Variants in GPHN observed in about 807,000 individuals in gnomAD.
The protein encoded by GPHN is gephyrin.
In GPHN, 17 loss-of-function variants were observed where a neutral mutation model predicts 95.5. The ratio of observed to expected loss-of-function variants is 0.18; its 90% CI spans 0.12 to 0.27. GPHN has a LOEUF of 0.27. Among genes scored for constraint, GPHN ranks in the 10% least tolerant of loss-of-function variants. The pLI is 1.00. For synonymous variants in GPHN, 320 were observed against 322.5 expected, an observed-to-expected ratio of 0.99 and a Z score of 0.08; for missense variants, 660 against 978.1, an observed-to-expected ratio of 0.67 and a Z score of 4.34.
At chr14:67,255,369 T>C in the GPHN span, among the ~76,000 whole-genome samples, 5 of 152,212 alleles carry the variant, frequency 3.3e-5, no homozygotes, top group African/African-American at 9.6e-5. Context: ...ATCAGAATCA[T>C]GAACCTGACA....
At chr14:66,517,343 T>C (rs1216166423) in intron 1 of GPHN, among the ~76,000 whole-genome samples, 1 of 152,178 alleles carries the variant, frequency 6.6e-6, no homozygotes, top group Non-Finnish European at 1.5e-5. Flanking sequence ...TGGATTAAAC[T>C]GCAAGTGGGC....
intron 9 of GPHN, among the ~76,000 whole-genome samples, chr14:66,972,566 G>A (rs1022084782): frequency 3.7e-4 from 56 of 151,568 alleles, no homozygotes; most frequent in African/African-American, 1.3e-3. Flanking sequence ...TTGTTCATAC[G>A]CCCCATTTTG....
the GPHN span, chr14:67,589,811 G>GAC: frequency 3.1e-5 from 36 of 1,150,016 alleles, no homozygotes; most frequent in African/African-American, 5.7e-4. Context: ...GTTCTTTGCT[G>GAC]ACATTACTTT....
At chr14:66,662,807 A>G (rs1245327823) in intron 1 of GPHN, among the ~76,000 whole-genome samples, 4 of 152,258 alleles carry the variant, frequency 2.6e-5, no homozygotes, top group African/African-American at 9.6e-5. Context: ...TGAAGAAAAC[A>G]ACAGAAGAAG....
chr14:67,187,906 C>T, the GPHN span, among the ~76,000 whole-genome samples: 3 of 152,310 alleles, frequency 2.0e-5, no homozygotes, highest in South Asian at 6.2e-4. Context: ...CTACATAACA[C>T]TGAAATAATC....
chr14:66,809,358 A>AAATAATAATAATAAT (rs540241852), intron 3 of GPHN, among the ~76,000 whole-genome samples: 2 of 151,680 alleles, frequency 1.3e-5, no homozygotes, highest in Admixed American at 6.6e-5. Context: ...GAGTTTTCCT[A>AAATAATAATAATAAT]AATAATAATA....
intron 2 of GPHN, among the ~76,000 whole-genome samples, chr14:66,700,483 A>G (rs2068453144): frequency 6.6e-6 from 1 of 152,152 alleles, no homozygotes; most frequent in Admixed American, 6.6e-5. Context: ...CTTATGATCT[A>G]ATTTAAATTT....
At chr14:67,073,091 G>A (rs1424867411) in intron 11 of GPHN, among the ~76,000 whole-genome samples, 2 of 151,744 alleles carry the variant, frequency 1.3e-5, no homozygotes, top group Non-Finnish European at 2.9e-5. Context: ...AATGGCCACA[G>A]TAATATTCTA....
chr14:66,686,678 C>G (rs2067382448), intron 2 of GPHN, among the ~76,000 whole-genome samples: 1 of 152,188 alleles, frequency 6.6e-6, no homozygotes. Flanking sequence ...TCTAAATACA[C>G]AATCATGTCA....
the GPHN span, among the ~76,000 whole-genome samples, chr14:67,724,252 T>G: frequency 3.3e-5 from 5 of 152,220 alleles, no homozygotes; most frequent in Non-Finnish European, 7.3e-5. Flanking sequence ...TATTTGTGGC[T>G]TCTGGGCAAG....
In GPHN at chr14:66,834,196, AT is replaced by A. The variant is rs548173119; in HGVS notation, c.294+9631del. On this transcript the variant is annotated intron_variant, in intron 4 of 22. Coordinates refer to ENST00000478722, the MANE Select transcript of GPHN (RefSeq NM_020806.5). ...TTTCTGATATTTGAAAAGAAATGTTATGTTTCTCCTTAAGTCCACTTACTTA... is the reference window on the plus strand; with the variant it reads ...TTTCTGATATTTGAAAAGAAATGTTAGTTTCTCCTTAAGTCCACTTACTTA... Among the ~76,000 whole-genome samples the A allele has an allele frequency of 4.9e-4, 74 of 152,278 alleles. 1 individual carries two copies. The South Asian group carries it at 0.014, about 30-fold the overall frequency.
chr14:66,857,288 A>C (rs1466102300), intron 4 of GPHN, among the ~76,000 whole-genome samples: 3 of 152,350 alleles, frequency 2.0e-5, no homozygotes, highest in East Asian at 3.9e-4. Context: ...GATAATGACT[A>C]TAAAGTTTAC....
chr14:66,828,961 C>A (rs999355846), intron 4 of GPHN, among the ~76,000 whole-genome samples: 1 of 152,076 alleles, frequency 6.6e-6, no homozygotes, highest in Non-Finnish European at 1.5e-5. Context: ...AGCCTTCTCC[C>A]TGCCTCTAAA....
At chr14:67,056,956 T>TG (rs1235743986) in intron 10 of GPHN, among the ~76,000 whole-genome samples, 5 of 152,156 alleles carry the variant, frequency 3.3e-5, no homozygotes, top group African/African-American at 1.2e-4. Flanking sequence ...GCTGCTGGCC[T>TG]GGGGGCTAAG....
intron 2 of GPHN, among the ~76,000 whole-genome samples, chr14:66,767,813 ATG>A (rs1411595056): frequency 6.6e-6 from 1 of 151,936 alleles, no homozygotes; most frequent in Admixed American, 6.6e-5. Context: ...ACATACAACA[ATG>A]TTTGTATGTA....
At chr14:66,997,565 T>C (rs2071903826) in intron 9 of GPHN, among the ~76,000 whole-genome samples, 1 of 152,146 alleles carries the variant, frequency 6.6e-6, no homozygotes, top group South Asian at 2.1e-4. Context: ...CCTTGAAAGA[T>C]AGTACTGTTT....
chr14:66,802,216 A>G (rs982979466), intron 3 of GPHN, among the ~76,000 whole-genome samples: 21 of 152,118 alleles, frequency 1.4e-4, no homozygotes, highest in African/African-American at 5.1e-4. Flanking sequence ...ACATTCCAAA[A>G]GCAGAGGAGC....
chr14:67,193,112 A>C, the GPHN span, among the ~76,000 whole-genome samples: 9 of 143,930 alleles, frequency 6.3e-5, no homozygotes, highest in African/African-American at 2.2e-4. Context: ...CTCTATATAG[A>C]TATCTCTCTA....
chr14:66,945,772 T>C (rs2067711680), intron 8 of GPHN, among the ~76,000 whole-genome samples: 1 of 152,194 alleles, frequency 6.6e-6, no homozygotes, highest in African/African-American at 2.4e-5. Flanking sequence ...GCATTAACAG[T>C]TCTCTGGGGA....
Sources: allele counts gnomAD v4.1 joint callset (sites outside exome capture counted in the v4.1 genomes callset), GRCh38; gene constraint gnomAD v4.1.1; transcripts MANE v1.5; gene names NCBI Gene and HGNC (gene_info 2026-07-23, HGNC 2026-07-21).